Variants in COL5A3 observed in about 807,000 individuals in gnomAD.
COL5A3 encodes collagen type V alpha 3 chain.
In COL5A3, 172 loss-of-function variants were observed where a neutral mutation model predicts 250.0. That is an observed-to-expected ratio of 0.69 (90% confidence interval 0.61 to 0.78). The LOEUF (loss-of-function observed/expected upper bound fraction) is 0.78. Among genes scored for constraint, COL5A3 ranks in the 30% least tolerant of loss-of-function variants. COL5A3 has a pLI of 0.00. For missense variants in COL5A3, 2,340 were observed against 2,334.4 expected (o/e 1.00, Z -0.05); for synonymous variants, 937 against 900.4 (o/e 1.04, Z -0.73).
intron 64 of COL5A3, among the ~76,000 whole-genome samples, chr19:9,965,601 C>T (rs983470629): frequency 7.2e-5 from 11 of 151,752 alleles, no homozygotes; most frequent in Middle Eastern, 3.4e-3. Context: ...TACAGGCGCC[C>T]GCCATCACGC....
At chr19:9,990,032 G>A (rs1037748824) in intron 24 of COL5A3, among the ~76,000 whole-genome samples, 8 of 151,322 alleles carry the variant, frequency 5.3e-5, no homozygotes, top group South Asian at 2.1e-4. Context: ...GATTACAGGC[G>A]TGAGCCACTG....
In COL5A3 at chr19:9,988,559, A is replaced by G. The variant is rs187430395; in HGVS notation, c.2145+565T>C. Among the ~76,000 whole-genome samples, 276 of 151,880 alleles carry G rather than the reference A, an allele frequency of 1.8e-3. 4 individuals are homozygous for G. The highest frequency in any genetic ancestry group is 6.5e-3 in the African/African-American group (268 of 41,394). ...AGAACACAACCCTCGGGCCAGGCACAGTGGCTCATGCCTGTAATCCCAGCA... is the reference window on the plus strand; with the variant it reads ...AGAACACAACCCTCGGGCCAGGCACGGTGGCTCATGCCTGTAATCCCAGCA... On this transcript the variant is annotated intron_variant, in intron 27 of 66. Coordinates refer to ENST00000264828, the MANE Select transcript of COL5A3 (RefSeq NM_015719.4).
At chr19:9,971,369 T>C (rs983276379) in intron 51 of COL5A3, 111 bp from the exon 52 acceptor site, 14 of 775,482 alleles carry the variant, frequency 1.8e-5, no homozygotes, top group Middle Eastern at 2.3e-4. Context: ...GACACATTAG[T>C]GAACAAAACA....
chr19:9,962,768 TG>T (rs1327870705), intron 65 of COL5A3, 50 bp downstream of exon 65: 1 of 1,418,442 alleles, frequency 7.0e-7, no homozygotes, highest in Non-Finnish European at 9.9e-7. Context: ...ACCCCCCTGC[TG>T]GTTCCCATCA....
chr19:10,001,292 C>T (rs1599227337), intron 8 of COL5A3, among the ~76,000 whole-genome samples: 2 of 151,468 alleles, frequency 1.3e-5, no homozygotes, highest in African/African-American at 2.4e-5. Context: ...ATCACAGGCG[C>T]GCGCCACCGC....
Position 9,979,825 on chromosome 19 carries a change from G to A in COL5A3, c.2712+14C>T. ...AAAAAAGGATCAGGAATCAAAGGTT[G>A]AGGGGTTACTCACCAGTTCTCCTCT... On this transcript the variant is annotated intron_variant, in intron 37 of 66. Coordinates refer to ENST00000264828, the MANE Select transcript of COL5A3 (RefSeq NM_015719.4). The A allele has an allele frequency of 6.4e-7, 1 of 1,570,350 alleles. No homozygotes were observed. Among genetic ancestry groups the A allele is most frequent in the Non-Finnish European group, 8.6e-7 (1 of 1,157,942 alleles).
intron 29 of COL5A3, 25 bp downstream of exon 29, chr19:9,986,528 A>G: frequency 6.2e-7 from 1 of 1,609,098 alleles, no homozygotes. Flanking sequence ...GACCCACACC[A>G]CCCCTCATCT....
chr19:9,961,067 C>T (rs2086666916), intron 65 of COL5A3, among the ~76,000 whole-genome samples, 177 bp from the exon 66 acceptor site: 1 of 152,120 alleles, frequency 6.6e-6, no homozygotes, highest in Admixed American at 6.6e-5. Context: ...GTCACCTGAA[C>T]ATCCACTCTG....
chr19:9,962,809 G>C lies in COL5A3; in HGVS notation c.4851+10C>G, dbSNP rs377236149. On this transcript the variant is annotated intron_variant, in intron 65 of 66. Transcript: ENST00000264828. Reference sequence around the variant, plus strand: ...TCATGTCACTCCCCATCTCGGCCTCGGTGACTCACCTTCTTCCCTCGACGG... The same window carrying C: ...TCATGTCACTCCCCATCTCGGCCTCCGTGACTCACCTTCTTCCCTCGACGG... 1 of 1,604,850 alleles carries C rather than the reference G, an allele frequency of 6.2e-7. No individual in the cohort carries two copies. Among genetic ancestry groups the C allele is most frequent in the African/African-American group, 1.3e-5 (1 of 74,628 alleles).
intron 41 of COL5A3, 139 bp from the exon 42 acceptor site, chr19:9,977,840 T>C: frequency 1.7e-6 from 1 of 576,670 alleles, no homozygotes; most frequent in South Asian, 4.6e-5. Flanking sequence ...AGCCAGAGGG[T>C]GCCTGTGAGC....
chr19:9,995,720 C>T (rs1325595795), intron 15 of COL5A3, 103 bp from the exon 16 acceptor site: 1 of 849,648 alleles, frequency 1.2e-6, no homozygotes, highest in Non-Finnish European at 1.8e-6. Flanking sequence ...CTGTATTGCC[C>T]AGGCCAGACA....
intron 50 of COL5A3, 71 bp downstream of exon 50, chr19:9,973,499 G>A: frequency 6.7e-7 from 1 of 1,490,926 alleles, no homozygotes; most frequent in East Asian, 2.3e-5. Context: ...AGAGGTCAAA[G>A]TGGCCCAAGA....
In COL5A3 at chr19:9,991,816, G is replaced by A. The variant is rs151176273; in HGVS notation, c.1919C>T (p.Pro640Leu). 7.8e-4 allele frequency: 1,259 copies of A among 1,609,176 alleles called. 11 individuals carry two copies. The highest frequency in any genetic ancestry group is 3.7e-3 in the Middle Eastern group (22 of 6,024). The part of the protein sequence containing the change: ...NVGPPGEPGP[P>L]GQQGNHGSQG... ...GGACCCATGGTTTCCCTGCTGTCCCGGAGGGCCTGGTTCTCCTGGAGGACC... is the reference window on the plus strand; with the variant it reads ...GGACCCATGGTTTCCCTGCTGTCCCAGAGGGCCTGGTTCTCCTGGAGGACC... Residue 640 changes from proline to leucine, a missense_variant, in exon 23 of 67, where the codon CCG (proline) becomes CTG (leucine). This residue lies in a region of COL5A3 where 1,152 missense variants were observed against 1,146.3 expected (regional missense o/e 1.00). Transcript: ENST00000264828.
intron 31 of COL5A3, 87 bp downstream of exon 31, chr19:9,985,755 T>TCCCCCAAGACCACAGCCTGGA: frequency 2.4e-6 from 3 of 1,250,074 alleles, no homozygotes; most frequent in Non-Finnish European, 3.5e-6. Flanking sequence ...GGGCAGCTCA[T>TCCCCCAAGACCACAGCCTGGA]CCCCCAAGAC....
At chr19:9,984,146 C>G (rs2087061066) in intron 31 of COL5A3, among the ~76,000 whole-genome samples, 1 of 152,132 alleles carries the variant, frequency 6.6e-6, no homozygotes, top group African/African-American at 2.4e-5. Context: ...GCCTCAGCCT[C>G]CATGTACCTG....
At chr19:10,007,088 C>T (rs2087454644) in intron 1 of COL5A3, among the ~76,000 whole-genome samples, 1 of 149,124 alleles carries the variant, frequency 6.7e-6, no homozygotes, top group Non-Finnish European at 1.5e-5. Flanking sequence ...TGACTTTCCC[C>T]TCTAACCTCC....
chr19:9,968,337 G>C lies in COL5A3; in HGVS notation c.4314+48C>G, dbSNP rs3815747. ...ACCCCACACCCACAGTCTCTCAACC[G>C]ACCCCCTCCTTCAAATGCATTCTTC... On this transcript the variant is annotated intron_variant, in intron 59 of 66. Transcript: ENST00000264828. The surrounding 1 kb of genome is among the most constrained non-coding windows in gnomAD (Gnocchi z 4.1). 0.28 allele frequency: 363,022 copies of C among 1,287,174 alleles called. 53,803 individuals carry two copies. Among genetic ancestry groups the C allele is most frequent in the South Asian group, 0.39 (30,677 of 79,476 alleles). 79.7% of individuals were successfully genotyped at this position (1,287,174 alleles called of 1,614,324 possible).
intron 21 of COL5A3, 86 bp downstream of exon 21, chr19:9,992,741 C>T (rs1265665789): frequency 4.4e-6 from 6 of 1,372,332 alleles, no homozygotes; most frequent in Admixed American, 1.8e-5. Flanking sequence ...CTCGCCACCG[C>T]ACTCCAGCCT....
rs752676407 is a variant in COL5A3, at chr19:9,992,010, G to A, written c.1887C>T (p.Gly629=). 1.2e-6 allele frequency: 2 copies of A among 1,613,350 alleles called. No individual in the cohort carries two copies. The highest frequency in any genetic ancestry group is 2.2e-5 in the South Asian group (2 of 91,064). ...TGIDGAPGAK[G]NVGPPGEPGP... ...AAGGGCACAGGGCACATACCACATTGCCTTTGGCACCAGGAGCACCATCAA... is the reference window on the plus strand; with the variant it reads ...AAGGGCACAGGGCACATACCACATTACCTTTGGCACCAGGAGCACCATCAA... The change falls in exon 22 of 67, where the codon GGC becomes GGT. Residue 629 remains glycine, a synonymous_variant. Transcript: ENST00000264828.
Sources: gnomAD v4.1 joint callset for allele counts (sites outside exome capture counted in the v4.1 genomes callset) on GRCh38, gnomAD v4.1.1 for gene constraint, gnomAD v4.1.1 regional missense constraint, Gnocchi (gnomAD v3.1) non-coding constraint, MANE v1.5 for transcripts, NCBI Gene and HGNC (gene_info 2026-07-23, HGNC 2026-07-21) for gene names.